The following ATRNL1 variants were observed in gnomAD, a reference collection of about 807,000 sequenced individuals.
The protein encoded by ATRNL1 is attractin-like protein 1.
In ATRNL1, 95 loss-of-function variants were observed where a neutral mutation model predicts 182.7. The ratio of observed to expected loss-of-function variants is 0.52; its 90% CI spans 0.44 to 0.62. The LOEUF (loss-of-function observed/expected upper bound fraction) is 0.62, where lower values mean the gene tolerates loss of function less well. Among genes scored for constraint, ATRNL1 ranks in the 20% least tolerant of loss-of-function variants. The pLI is 0.00. For missense variants in ATRNL1, 1,471 were observed against 1,679.5 expected (o/e 0.88, Z 2.17); for synonymous variants, 576 against 568.3 (o/e 1.01, Z -0.19).
chr10:115,899,023 A>G (rs1027275504), intron 28 of ATRNL1, among the ~76,000 whole-genome samples: 23 of 151,242 alleles, frequency 1.5e-4, no homozygotes, highest in African/African-American at 5.6e-4. Context: ...TTTGTTACAC[A>G]TGTATACATG....
intron 19 of ATRNL1, among the ~76,000 whole-genome samples, chr10:115,368,246 G>A (rs545814525): frequency 1.7e-4 from 26 of 152,228 alleles, no homozygotes; most frequent in Admixed American, 5.9e-4. Context: ...TTTTTAAGCC[G>A]GTCCGAAAAG....
chr10:115,526,717 T>G (rs374408376), intron 25 of ATRNL1, among the ~76,000 whole-genome samples: 1 of 152,048 alleles, frequency 6.6e-6, no homozygotes, highest in African/African-American at 2.4e-5. Flanking sequence ...GAAGCCAAGA[T>G]GGGATTAGAT....
At chr10:115,689,268 T>A (rs1565287982) in intron 26 of ATRNL1, among the ~76,000 whole-genome samples, 1 of 152,166 alleles carries the variant, frequency 6.6e-6, no homozygotes, top group Non-Finnish European at 1.5e-5. Context: ...TCTACAATTT[T>A]TTTGTGTGGT....
At chr10:115,757,938 C>T (rs1036076215) in intron 27 of ATRNL1, among the ~76,000 whole-genome samples, 53 of 151,614 alleles carry the variant, frequency 3.5e-4, no homozygotes, top group Admixed American at 1.1e-3. Flanking sequence ...ATCCTTTCTT[C>T]TGCTTGTGAT....
chr10:115,293,612 A>G (rs1592393679), intron 15 of ATRNL1, among the ~76,000 whole-genome samples: 1 of 152,048 alleles, frequency 6.6e-6, no homozygotes, highest in East Asian at 1.9e-4. Context: ...TCTGTTCTAG[A>G]TGTTAGGCTC....
At chr10:115,269,134 T>G (rs1851731502) in intron 13 of ATRNL1, among the ~76,000 whole-genome samples, 1 of 152,178 alleles carries the variant, frequency 6.6e-6, no homozygotes, top group African/African-American at 2.4e-5. Flanking sequence ...TTTATTTGTT[T>G]ATTTGTTGTG....
chr10:115,604,418 G>A (rs11197343), intron 26 of ATRNL1, among the ~76,000 whole-genome samples: 75,018 of 151,960 alleles, frequency 0.49, 19,438 homozygotes, highest in African/African-American at 0.6. Flanking sequence ...CACTCTAGCT[G>A]GTTGGAGCTC....
intron 24 of ATRNL1, among the ~76,000 whole-genome samples, chr10:115,496,422 C>T (rs1163630449): frequency 2.0e-5 from 3 of 152,014 alleles, no homozygotes; most frequent in Non-Finnish European, 2.9e-5. Context: ...TCTTATTTTC[C>T]CTTCACTTAT....
chr10:115,213,075 T>C (rs1554895385), intron 8 of ATRNL1, among the ~76,000 whole-genome samples: 1 of 152,166 alleles, frequency 6.6e-6, no homozygotes, highest in Non-Finnish European at 1.5e-5. Context: ...TAGATAATTT[T>C]AACATCTGAT....
chr10:115,266,935 AAATCACTGTG>A lies in ATRNL1; in HGVS notation c.1916_1925del (p.His639LeufsTer69). The A allele has an allele frequency of 6.2e-7, 1 of 1,612,590 alleles. No homozygotes were observed. On this transcript the variant is annotated frameshift_variant, in exon 12 of 29. Transcript: ENST00000355044. LOFTEE classifies it high-confidence loss of function. ...CAGGGATAAAATGTGTTTGGAATAA[AAATCACTGTG>A]AATCTTGGGAATCTGGGAATACTAA... is the stretch of plus-strand genomic sequence containing the variant.
chr10:115,222,766 A>G (rs912946256), intron 9 of ATRNL1, among the ~76,000 whole-genome samples: 6 of 152,212 alleles, frequency 3.9e-5, no homozygotes, highest in Non-Finnish European at 8.8e-5. Flanking sequence ...ACTTGACAGT[A>G]GTAGGCTTTC....
chr10:115,643,924 T>A (rs561992560), intron 26 of ATRNL1, among the ~76,000 whole-genome samples: 3 of 152,290 alleles, frequency 2.0e-5, no homozygotes, highest in Non-Finnish European at 4.4e-5. Context: ...TAAGTATAGT[T>A]AAGCATATAC....
chr10:115,202,310 A>C lies in ATRNL1; in HGVS notation c.1349-13387A>C, dbSNP rs1202655111. On this transcript the variant is annotated intron_variant, in intron 8 of 28. Coordinates refer to ENST00000355044, the MANE Select transcript of ATRNL1 (RefSeq NM_207303.4). ...AGAGAGGGCATCCCTGTCTTGTGCC[A>C]GTTTTCAAAGGGAATGCTTCCAGTT... 5.1e-3 allele frequency among the ~76,000 whole-genome samples: 742 copies of C among 146,402 alleles called. 4 individuals carry two copies. Among genetic ancestry groups the C allele is most frequent in the African/African-American group, 0.018 (709 of 39,980 alleles).
intron 21 of ATRNL1, among the ~76,000 whole-genome samples, chr10:115,455,616 A>G (rs182551775): frequency 3.7e-4 from 57 of 152,342 alleles, no homozygotes; most frequent in African/African-American, 1.3e-3. Flanking sequence ...AATTGCAACA[A>G]AAGCCAAAAT....
At chr10:115,486,962 C>G (rs1438471179) in intron 24 of ATRNL1, among the ~76,000 whole-genome samples, 3 of 152,150 alleles carry the variant, frequency 2.0e-5, no homozygotes, top group Non-Finnish European at 4.4e-5. Flanking sequence ...ATATGGCTAG[C>G]CAGTTTTCCC....
chr10:115,683,486 AT>A (rs1487132764), intron 26 of ATRNL1, among the ~76,000 whole-genome samples: 2 of 144,834 alleles, frequency 1.4e-5, no homozygotes, highest in Non-Finnish European at 3.0e-5. Flanking sequence ...GAAAATGAAT[AT>A]GCTTTCTGTG....
chr10:115,720,209 G>A (rs1225837954), intron 26 of ATRNL1, among the ~76,000 whole-genome samples: 1 of 152,040 alleles, frequency 6.6e-6, no homozygotes. Context: ...CTTACAAATG[G>A]ACAGATGTCA....
At chr10:115,266,488 ATT>A (rs1188415100) in intron 11 of ATRNL1, among the ~76,000 whole-genome samples, 1 of 151,528 alleles carries the variant, frequency 6.6e-6, no homozygotes, top group Non-Finnish European at 1.5e-5. Context: ...GTATATAATC[ATT>A]GTTTCTTTTC....
intron 28 of ATRNL1, among the ~76,000 whole-genome samples, chr10:115,879,186 A>C (rs1045697387): frequency 2.0e-5 from 3 of 151,980 alleles, no homozygotes; most frequent in Non-Finnish European, 4.4e-5. Flanking sequence ...ACATGCCTGT[A>C]GTCCCAGCTA....
Sources: gnomAD v4.1 joint callset for allele counts (sites outside exome capture counted in the v4.1 genomes callset) on GRCh38, gnomAD v4.1.1 for gene constraint, MANE v1.5 for transcripts, NCBI Gene and HGNC (gene_info 2026-07-23, HGNC 2026-07-21) for gene names.